Variants in ZIM2 observed in about 807,000 individuals in gnomAD.
ZIM2 encodes the protein zinc finger protein 656.
Under a neutral mutation model 38.6 loss-of-function variants are expected in ZIM2, and 14 were observed. That is an observed-to-expected ratio of 0.36 (90% CI 0.24 to 0.57). The LOEUF (loss-of-function observed/expected upper bound fraction) is 0.57. ZIM2 is among the 20% of genes least tolerant of loss of function. The pLI, the probability that ZIM2 is intolerant of heterozygous loss-of-function variation, is 0.81. For missense variants in ZIM2, 680 were observed against 695.1 expected, an observed-to-expected ratio of 0.98 and a Z score of 0.24; for synonymous variants, 247 against 245.8, an observed-to-expected ratio of 1.00 and a Z score of -0.04.
intron 9 of ZIM2, among the ~76,000 whole-genome samples, chr19:56,793,634 G>C (rs2047052234): frequency 6.6e-6 from 1 of 152,120 alleles, no homozygotes; most frequent in South Asian, 2.1e-4. Flanking sequence ...AGTTATCAGA[G>C]ATATAGGAAT....
intron 9 of ZIM2, chr19:56,816,251 A>C: frequency 6.2e-7 from 1 of 1,614,096 alleles, no homozygotes; most frequent in South Asian, 1.1e-5. Context: ...CTCTTCTGAG[A>C]TTCAGTGAAT....
At chr19:56,822,113 C>T (rs2060551215) in intron 6 of ZIM2, among the ~76,000 whole-genome samples, 1 of 152,174 alleles carries the variant, frequency 6.6e-6, no homozygotes, top group South Asian at 2.1e-4. Context: ...GCATCAGAGA[C>T]CGTCCCACAG....
chr19:56,808,191 T>G (rs2047851045), intron 9 of ZIM2, among the ~76,000 whole-genome samples: 1 of 152,170 alleles, frequency 6.6e-6, no homozygotes, highest in African/African-American at 2.4e-5. Flanking sequence ...GGGGTCAGGA[T>G]AGTCCACCAA....
chr19:56,808,980 G>A (rs2047914969), intron 9 of ZIM2, among the ~76,000 whole-genome samples: 1 of 152,222 alleles, frequency 6.6e-6, no homozygotes, highest in Admixed American at 6.5e-5. Flanking sequence ...ACACCAGGGA[G>A]AGGTCAAGTC....
intron 7 of ZIM2, among the ~76,000 whole-genome samples, chr19:56,820,140 T>C (rs1210491782): frequency 6.6e-6 from 1 of 152,234 alleles, no homozygotes; most frequent in Non-Finnish European, 1.5e-5. Flanking sequence ...TCTTAATGCA[T>C]ACAAACTGCA....
rs2060116136 is a variant in ZIM2 at position 56,817,778 on chromosome 19, G to A, written c.458C>T (p.Ser153Phe). 2.5e-6 allele frequency: 4 copies of A among 1,614,128 alleles called. No individual in the cohort carries two copies. The highest frequency in any genetic ancestry group is 1.7e-4 in the Middle Eastern group (1 of 6,060). The change falls in exon 9 of 13, where the codon TCC becomes TTC. Residue 153 changes from serine to phenylalanine, a missense_variant. Transcript: ENST00000629319. ...SHMTQGHSSRSKRSAYPSTSR... is the reference protein window; with the variant it reads ...SHMTQGHSSRFKRSAYPSTSR... ...GGTGCTTGGGTAGGCACTTCTCTTG[G>A]ATCTTGATGAGTGGCCCTGCGTCAT... is the stretch of plus-strand genomic sequence containing the variant.
Position 56,782,049 on chromosome 19 carries a change from C to A in ZIM2, c.643G>T (p.Asp215Tyr), listed in dbSNP as rs761477833. The stretch of plus-strand genomic sequence containing the variant: ...GAACTAAGTTCCTCTGGGCTGAAGT[C>A]CACAAGCACATCCTCGAAGGTCACC... ...ELVTFEDVLV[D>Y]FSPEELSSLS... The change falls in exon 11 of 13, where the codon GAC (aspartate) becomes TAC (tyrosine). Residue 215 changes from aspartate to tyrosine, a missense_variant. Asp to Tyr is a radical substitution (Grantham distance 160). Coordinates refer to ENST00000629319, the MANE Select transcript of ZIM2 (RefSeq NM_001387356.1). 4 of 1,614,008 alleles carry A rather than the reference C, an allele frequency of 2.5e-6. No individual in the cohort carries two copies. The highest frequency in any genetic ancestry group is 2.5e-6 in the Non-Finnish European group (3 of 1,179,894).
chr19:56,815,788 C>A lies in ZIM2; in HGVS notation c.490+1958G>T, dbSNP rs781723224. On this transcript the variant is annotated intron_variant, in intron 9 of 12. Transcript: ENST00000629319. ...GTCTTCATAGTTGCGATTCTTACTG[C>A]CCCCTTCACAAGGGTTCTCTCTGGC... The A allele has an allele frequency of 2.5e-6, 4 of 1,613,232 alleles. No individual in the cohort carries two copies. The African/African-American group carries it at 5.3e-5, about 22-fold the overall frequency.
At chr19:56,808,070 C>G (rs1172154541) in intron 9 of ZIM2, among the ~76,000 whole-genome samples, 1 of 152,090 alleles carries the variant, frequency 6.6e-6, no homozygotes, top group Non-Finnish European at 1.5e-5. Flanking sequence ...ATGTATTGCT[C>G]TACTGAAAAT....
intron 9 of ZIM2, chr19:56,816,914 A>C: frequency 1.2e-6 from 2 of 1,614,210 alleles, no homozygotes; most frequent in Non-Finnish European, 1.7e-6. Flanking sequence ...GTCTCTCCAC[A>C]GTCCTTACAT....
intron 6 of ZIM2, 183 bp downstream of exon 6, chr19:56,822,570 A>C: frequency 1.4e-6 from 1 of 700,932 alleles, no homozygotes; most frequent in Non-Finnish European, 2.3e-6. Context: ...TATGTGGTGA[A>C]ACCTGTGCTG....
intron 11 of ZIM2, among the ~76,000 whole-genome samples, chr19:56,780,245 CTTTTT>C (rs66492427): frequency 7.7e-6 from 1 of 129,358 alleles, no homozygotes. Flanking sequence ...TTTCTTTTTT[CTTTTT>C]TTTTTTTTTT....
intron 10 of ZIM2, among the ~76,000 whole-genome samples, chr19:56,785,230 C>T (rs1600727415): frequency 6.6e-6 from 1 of 152,136 alleles, no homozygotes; most frequent in African/African-American, 2.4e-5. Context: ...TCATAATCCA[C>T]CCAGACCAAT....
At chr19:56,800,342 T>C (rs189025766) in intron 9 of ZIM2, among the ~76,000 whole-genome samples, 8 of 152,318 alleles carry the variant, frequency 5.3e-5, no homozygotes, top group Admixed American at 3.9e-4. Flanking sequence ...TGTTTTCCAA[T>C]TAAAAATGGG....
chr19:56,823,212 A>C (rs1010232), intron 5 of ZIM2, among the ~76,000 whole-genome samples: 35,981 of 151,906 alleles, frequency 0.24, 5,219 homozygotes, highest in Admixed American at 0.34. Flanking sequence ...ATTCTACTAC[A>C]AAAAAAACAA....
At chr19:56,802,456 C>T (rs1394207556) in intron 9 of ZIM2, among the ~76,000 whole-genome samples, 1 of 152,152 alleles carries the variant, frequency 6.6e-6, no homozygotes, top group Non-Finnish European at 1.5e-5. Context: ...GAGGGCCTGT[C>T]AATCCCCTTG....
chr19:56,778,314 A>C (rs2046131091), intron 12 of ZIM2, among the ~76,000 whole-genome samples: 1 of 152,168 alleles, frequency 6.6e-6, no homozygotes, highest in South Asian at 2.1e-4. Context: ...AAAGAAAAGA[A>C]GACAATGAAA....
intron 6 of ZIM2, 105 bp from the exon 7 acceptor site, chr19:56,821,859 G>C: frequency 8.2e-7 from 1 of 1,216,462 alleles, no homozygotes; most frequent in East Asian, 2.3e-5. Flanking sequence ...GAGTGTATGA[G>C]AGCAAGTGCC....
chr19:56,835,747 T>G (rs2146632107), intron 2 of ZIM2, among the ~76,000 whole-genome samples: 1 of 152,354 alleles, frequency 6.6e-6, no homozygotes, highest in African/African-American at 2.4e-5. Flanking sequence ...CTCATGCTTC[T>G]TTAATCACCA....
Sources: allele counts gnomAD v4.1 joint callset (sites outside exome capture counted in the v4.1 genomes callset), GRCh38; gene constraint gnomAD v4.1.1; transcripts MANE v1.5; gene names NCBI Gene and HGNC (gene_info 2026-07-23, HGNC 2026-07-21).